The following WDR72 variants were observed in gnomAD, a reference collection of about 807,000 sequenced individuals.
The protein encoded by WDR72 is WD repeat-containing protein 72.
Under a neutral mutation model 124.2 loss-of-function variants are expected in WDR72, and 120 were observed. That is an observed-to-expected ratio of 0.97 (90% CI 0.83 to 1.12). WDR72 has a LOEUF of 1.12. WDR72 is among the 50% of genes most tolerant of loss of function. WDR72 has a pLI of 0.00. For missense variants in WDR72, 1,387 were observed against 1,278.8 expected (o/e 1.08, Z -1.29); for synonymous variants, 452 against 441.7 (o/e 1.02, Z -0.29).
intron 3 of WDR72, among the ~76,000 whole-genome samples, chr15:53,721,039 T>G (rs1254891032): frequency 2.0e-5 from 3 of 152,154 alleles, no homozygotes; most frequent in Non-Finnish European, 4.4e-5. Flanking sequence ...TTCCAGTGAA[T>G]AAAGTTAAGA....
chr15:53,587,411 C>G (rs1217930315), intron 18 of WDR72, among the ~76,000 whole-genome samples: 2 of 151,914 alleles, frequency 1.3e-5, no homozygotes, highest in African/African-American at 2.4e-5. Context: ...ATATATGCAT[C>G]AATAGCAGTG....
chr15:53,516,187 C>T lies in WDR72; in HGVS notation c.*1512G>A, dbSNP rs1891451556. 7.2e-5 allele frequency: 11 copies of T among 152,064 alleles called. No homozygotes were observed. Among genetic ancestry groups the T allele is most frequent in the Admixed American group, 7.2e-4 (11 of 15,252 alleles). The allele number at this position is 152,064 out of a possible 1,614,324, so 9.4% of individuals were successfully genotyped here. ...TAATGCTATGTTAGTTTCTAAACTT[C>T]AACTCAAATGTAATTTCAAGCAGTA... is the stretch of plus-strand genomic sequence containing the variant. On this transcript the variant is annotated 3_prime_UTR_variant, in exon 20 of 20. Transcript: ENST00000360509.
In WDR72 at chr15:53,516,464, A is replaced by G. The variant is rs910099456; in HGVS notation, c.*1235T>C. 2 of 151,892 alleles carry G rather than the reference A, an allele frequency of 1.3e-5. No individual in the cohort carries two copies. Among genetic ancestry groups the G allele is most frequent in the Non-Finnish European group, 2.9e-5 (2 of 67,966 alleles). The allele number at this position is 151,892 out of a possible 1,614,324, so 9.4% of individuals were successfully genotyped here. ...TGTTTCTTTAATTGAAGTGACTTGA[A>G]CTTCTCTGTTAGATACATACATAGA... On this transcript the variant is annotated 3_prime_UTR_variant, in exon 20 of 20. Transcript: ENST00000360509.
intron 13 of WDR72, among the ~76,000 whole-genome samples, chr15:53,673,312 G>C (rs1402084168): frequency 1.3e-5 from 2 of 151,964 alleles, no homozygotes; most frequent in Admixed American, 6.6e-5. Flanking sequence ...ATGCTCAAAG[G>C]GAGAGAAATA....
intron 7 of WDR72, among the ~76,000 whole-genome samples, 160 bp downstream of exon 7, chr15:53,712,612 A>AT (rs935685929): frequency 1.2e-4 from 19 of 152,024 alleles, no homozygotes; most frequent in Non-Finnish European, 2.5e-4. Context: ...CGCCAAAAAA[A>AT]AAAACTGTTA....
rs572951482 is a variant in WDR72 at position 53,732,470 on chromosome 15, G to A, written c.153+527C>T. On this transcript the variant is annotated intron_variant, in intron 2 of 19. Transcript: ENST00000360509. ...ATGGACCAAATCCTAGGTGAGGTCA[G>A]GTTCTGAAATAGAAGGATGACAATA... Among the ~76,000 whole-genome samples, 73 of 152,302 alleles carry A rather than the reference G, an allele frequency of 4.8e-4. No homozygotes were observed. In the South Asian group the frequency reaches 0.015, roughly 31 times the overall value.
intron 17 of WDR72, among the ~76,000 whole-genome samples, chr15:53,600,860 A>T (rs576050874): frequency 1.3e-5 from 2 of 152,318 alleles, no homozygotes; most frequent in African/African-American, 4.8e-5. Context: ...TACTGGAAAC[A>T]TGCAAATTAG....
chr15:53,555,551 T>C (rs960323541), intron 18 of WDR72, among the ~76,000 whole-genome samples: 4 of 152,120 alleles, frequency 2.6e-5, no homozygotes, highest in Non-Finnish European at 4.4e-5. Flanking sequence ...TCGTCCTTCA[T>C]GTTGTAATAA....
At chr15:53,665,250 A>T (rs568550640) in intron 14 of WDR72, among the ~76,000 whole-genome samples, 1 of 152,202 alleles carries the variant, frequency 6.6e-6, no homozygotes, top group Admixed American at 6.5e-5. Flanking sequence ...AGATACTCTC[A>T]AGTGAAAAAT....
chr15:53,701,559 T>TCTCACACACA (rs369568228), intron 12 of WDR72, among the ~76,000 whole-genome samples: 6 of 120,166 alleles, frequency 5.0e-5, no homozygotes, highest in East Asian at 2.9e-4. Flanking sequence ...TCTCTCTCTC[T>TCTCACACACA]CACACACACA....
intron 13 of WDR72, among the ~76,000 whole-genome samples, chr15:53,675,809 G>C (rs2016153673): frequency 6.6e-6 from 1 of 152,258 alleles, no homozygotes; most frequent in African/African-American, 2.4e-5. Flanking sequence ...GGATAAATTG[G>C]GGTATGGTCT....
At chr15:53,681,241 T>C (rs1270043421) in intron 13 of WDR72, among the ~76,000 whole-genome samples, 1 of 152,162 alleles carries the variant, frequency 6.6e-6, no homozygotes, top group Non-Finnish European at 1.5e-5. Context: ...CTGTGGCAGC[T>C]GGCTACTGGG....
At chr15:53,717,823 T>A (rs955638150) in intron 3 of WDR72, among the ~76,000 whole-genome samples, 1 of 152,134 alleles carries the variant, frequency 6.6e-6, no homozygotes, top group Non-Finnish European at 1.5e-5. Flanking sequence ...GCATTTTCCC[T>A]CTGTTTATAT....
intron 1 of WDR72, among the ~76,000 whole-genome samples, chr15:53,755,894 T>C (rs2018890422): frequency 6.6e-6 from 1 of 152,236 alleles, no homozygotes. Context: ...CAGTCTCTAA[T>C]AGAAAAGGTA....
intron 1 of WDR72, among the ~76,000 whole-genome samples, chr15:53,734,707 A>G (rs2018299345): frequency 6.6e-6 from 1 of 152,106 alleles, no homozygotes; most frequent in African/African-American, 2.4e-5. Context: ...GCCTTGCTCA[A>G]TGAAAGAGGA....
chr15:53,517,409 C>T lies in WDR72; in HGVS notation c.*290G>A, dbSNP rs948035223. The T allele has an allele frequency of 5.2e-6, 2 of 388,118 alleles. No individual in the cohort carries two copies. Among genetic ancestry groups the T allele is most frequent in the African/African-American group, 4.1e-5 (2 of 48,558 alleles). 24.0% of individuals were successfully genotyped at this position (388,118 alleles called of 1,614,324 possible). On this transcript the variant is annotated 3_prime_UTR_variant, in exon 20 of 20. Coordinates refer to ENST00000360509, the MANE Select transcript of WDR72 (RefSeq NM_182758.4). ...TATTAAATTTGTGTCTGTGGACTGG[C>T]ATTCCCTGTTGGAAATATTAACAGA...
intron 13 of WDR72, among the ~76,000 whole-genome samples, chr15:53,689,125 T>C (rs1567029546): frequency 6.6e-6 from 1 of 152,186 alleles, no homozygotes; most frequent in African/African-American, 2.4e-5. Context: ...GAAGAAAACC[T>C]AGGCATTACC....
intron 14 of WDR72, among the ~76,000 whole-genome samples, chr15:53,633,816 A>G (rs1325261220): frequency 6.6e-6 from 1 of 152,218 alleles, no homozygotes; most frequent in Non-Finnish European, 1.5e-5. Context: ...ACCTGCATTT[A>G]TGAACTAGAA....
At chr15:53,757,521 G>C (rs113569641) in intron 1 of WDR72, among the ~76,000 whole-genome samples, 2 of 151,976 alleles carry the variant, frequency 1.3e-5, no homozygotes, top group Non-Finnish European at 2.9e-5. Flanking sequence ...TACTGGAGAG[G>C]CTGAGGCAGG....
Sources: allele counts gnomAD v4.1 joint callset (sites outside exome capture counted in the v4.1 genomes callset), GRCh38; gene constraint gnomAD v4.1.1; transcripts MANE v1.5; gene names NCBI Gene and HGNC (gene_info 2026-07-23, HGNC 2026-07-21).